The following CCDC88B variants were observed in gnomAD, a reference collection of about 807,000 sequenced individuals.
CCDC88B encodes the protein coiled-coil domain-containing protein 88B.
CCDC88B carries 138 observed loss-of-function variants against 183.7 expected under a neutral mutation model. That is an observed-to-expected ratio of 0.75 (90% CI 0.65 to 0.87). The LOEUF is 0.87. CCDC88B is among the 40% of genes least tolerant of loss of function. CCDC88B has a pLI of 0.00. For synonymous variants in CCDC88B, 835 were observed against 867.5 expected (o/e 0.96, Z 0.66); for missense variants, 1,822 against 1,965.6 (o/e 0.93, Z 1.38).
rs143810466 is a variant in CCDC88B, at chr11:64,349,407, C to T, written c.2693C>T (p.Ala898Val). The change falls in exon 15 of 27, where the codon GCG becomes GTG. Residue 898 changes from alanine to valine, a missense_variant. By Grantham distance (64) the Ala-to-Val change is moderately conservative (BLOSUM62 0). Coordinates refer to ENST00000356786, the MANE Select transcript of CCDC88B (RefSeq NM_032251.6). ...CATTTGCAGCGTGAGCTGGAGCAGG[C>T]GGCTCTCGAGCGCCAGGAATTTCTG... ...LEHLQRELEQ[A>V]ALERQEFLRE... is the part of the protein sequence containing the mutation. 333 of 1,613,132 alleles carry T rather than the reference C, an allele frequency of 2.1e-4. 1 individual carries two copies. The highest frequency in any genetic ancestry group is 3.3e-4 in the Admixed American group (20 of 59,910).
In CCDC88B at chr11:64,342,672, CA is replaced by C; in HGVS notation, c.1055del (p.Gln352ArgfsTer91). 6.7e-7 allele frequency: 1 copy of C among 1,493,478 alleles called. No homozygotes were observed. 92.5% of individuals were successfully genotyped at this position (1,493,478 alleles called of 1,614,324 possible). A position where few individuals can be genotyped will look rare whatever the true frequency, so the allele number is the denominator to read the frequency against. The part of the protein sequence containing the change: ...RLQAAEAYKS[Q>X]LEEERVLSGV... ...GCAGGCGGCTGAGGCCTACAAGAGT[CA>C]GCTGGAGGTGAGGCGGAGACGGAGC... On this transcript the variant is annotated frameshift_variant, in exon 10 of 27. Transcript: ENST00000356786. LOFTEE classifies it high-confidence loss of function.
chr11:64,346,480 G>A (rs1014208356), intron 14 of CCDC88B, among the ~76,000 whole-genome samples: 1 of 147,614 alleles, frequency 6.8e-6, no homozygotes, highest in African/African-American at 2.5e-5. Flanking sequence ...TCGCTCTTTC[G>A]CCCAGGCCAG....
At chr11:64,346,565 G>A (rs528743632) in intron 14 of CCDC88B, among the ~76,000 whole-genome samples, 42 of 148,540 alleles carry the variant, frequency 2.8e-4, no homozygotes, top group South Asian at 6.5e-4. Context: ...CTCAGCCTCC[G>A]GAGTAGCTGG....
chr11:64,345,958 T>C (rs1213960278), intron 14 of CCDC88B, among the ~76,000 whole-genome samples: 2 of 152,148 alleles, frequency 1.3e-5, no homozygotes, highest in South Asian at 2.1e-4. Context: ...TGAGCTGAGA[T>C]TGTGCCACTA....
intron 25 of CCDC88B, 73 bp downstream of exon 25, chr11:64,355,473 G>GCCCACCA (rs2036519297): frequency 6.3e-7 from 1 of 1,586,456 alleles, no homozygotes; most frequent in Non-Finnish European, 8.6e-7. Context: ...TGGGGGAGGA[G>GCCCACCA]GCTTCCTTCT....
intron 9 of CCDC88B, 21 bp from the exon 10 acceptor site, chr11:64,342,501 G>A (rs761835632): frequency 2.3e-5 from 35 of 1,528,246 alleles, no homozygotes; most frequent in Admixed American, 5.9e-5. Context: ...GCTGTTCCCA[G>A]CTCCACACCG....
rs1461410725 is a variant in CCDC88B at position 64,345,048 on chromosome 11, G to C, written c.2507G>C (p.Arg836Pro). The C allele has an allele frequency of 6.5e-7, 1 of 1,548,590 alleles. No individual in the cohort carries two copies. Among genetic ancestry groups the C allele is most frequent in the Admixed American group, 2.0e-5 (1 of 51,182 alleles). ...TGGGAGCGTGAGGGGTCCAGGCTGCGGGCCCAGTCGGAGGCCGCCGAGGAA... is the reference window on the plus strand; with the variant it reads ...TGGGAGCGTGAGGGGTCCAGGCTGCCGGCCCAGTCGGAGGCCGCCGAGGAA... The part of the protein sequence containing the change: ...RQWEREGSRL[R>P]AQSEAAEERM... Residue 836 changes from arginine to proline, a missense_variant, in exon 14 of 27, where the codon CGG becomes CCG. Transcript: ENST00000356786.
In CCDC88B at chr11:64,342,322, TC is replaced by T; in HGVS notation, c.853del (p.Gln285ArgfsTer11). The T allele has an allele frequency of 6.3e-7, 1 of 1,594,372 alleles. No individual in the cohort carries two copies. Among genetic ancestry groups the T allele is most frequent in the South Asian group, 1.1e-5 (1 of 87,924 alleles). ...GGAGAAGGCCGAGCTGCTGCTAGAC[TC>T]CCAGGCCGAGGTGCAGGGTTTGGAG... ...LEEKAELLLD[S>X]QAEVQGLEAE... On this transcript the variant is annotated frameshift_variant, in exon 9 of 27. Coordinates refer to ENST00000356786, the MANE Select transcript of CCDC88B (RefSeq NM_032251.6). LOFTEE classifies it high-confidence loss of function.
Position 64,343,996 on chromosome 11 carries a change from G to A in CCDC88B, c.1456-1G>A. 1 of 1,554,072 alleles carries A rather than the reference G, an allele frequency of 6.4e-7. No individual in the cohort carries two copies. The highest frequency in any genetic ancestry group is 8.7e-7 in the Non-Finnish European group (1 of 1,147,954). ...TGACTGTCCCTCTCGTATGCCCTCA[G>A]CACCCCCTGCTGGAGGCACCGAGAG... On this transcript the variant is annotated splice_acceptor_variant, in intron 13 of 26. Transcript: ENST00000356786. LOFTEE classifies it high-confidence loss of function.
intron 1 of CCDC88B, 66 bp downstream of exon 1, chr11:64,340,392 G>A (rs1377613569): frequency 1.1e-5 from 14 of 1,276,758 alleles, no homozygotes; most frequent in Non-Finnish European, 5.1e-6. Context: ...TGGTGTTGGC[G>A]CTGGCCGGGG....
intron 1 of CCDC88B, 130 bp downstream of exon 1, chr11:64,340,456 T>C: frequency 8.9e-7 from 1 of 1,128,528 alleles, no homozygotes; most frequent in Non-Finnish European, 1.2e-6. Context: ...ATGTGGGGGA[T>C]GGAGATATGG....
At chr11:64,345,717 C>T (rs749185443) in intron 14 of CCDC88B, among the ~76,000 whole-genome samples, 34 of 152,124 alleles carry the variant, frequency 2.2e-4, no homozygotes, top group Non-Finnish European at 4.0e-4. Flanking sequence ...GCATTAAAGA[C>T]GCTCAGGGGC....
chr11:64,345,191 G>A, intron 14 of CCDC88B, 34 bp downstream of exon 14: 1 of 1,531,170 alleles, frequency 6.5e-7, no homozygotes. Flanking sequence ...CTGGGGTTGG[G>A]AAGCAGAGTT....
intron 16 of CCDC88B, chr11:64,349,910 T>C (rs1482173513): frequency 1.8e-6 from 1 of 564,442 alleles, no homozygotes; most frequent in Non-Finnish European, 3.2e-6. Flanking sequence ...TGTGGATGAC[T>C]GCTCCGCCTG....
At position 64,344,133 on chromosome 11, in the gene CCDC88B, A is replaced by G; in HGVS notation, c.1592A>G (p.Asp531Gly). The change falls in exon 14 of 27, where the codon GAC becomes GGC. Residue 531 changes from aspartate (D) to glycine (G), a missense_variant. By Grantham distance (94) the Asp-to-Gly change is moderately conservative (BLOSUM62 -1). Transcript: ENST00000356786. This position sits in a 1 kb window ranked among gnomAD's most constrained non-coding sequence, Gnocchi z 4.5. ...KARDGGPQALDLAPPALDSVL... is the reference protein window; with the variant it reads ...KARDGGPQALGLAPPALDSVL... ...AGGGATGGAGGCCCCCAGGCCTTGG[A>G]CTTGGCTCCCCCGGCATTAGACTCA... The G allele has an allele frequency of 1.2e-6, 2 of 1,613,010 alleles. No individual in the cohort carries two copies. The highest frequency in any genetic ancestry group is 1.7e-6 in the Non-Finnish European group (2 of 1,179,782).
intron 11 of CCDC88B, 49 bp from the exon 12 acceptor site, chr11:64,343,458 G>A (rs905849291): frequency 4.9e-5 from 75 of 1,543,948 alleles, no homozygotes; most frequent in Non-Finnish European, 6.6e-5. Context: ...CTACACACTC[G>A]GCCTGGCCAT....
chr11:64,342,108 A>G lies in CCDC88B; in HGVS notation c.790A>G (p.Lys264Glu). 1 of 1,610,704 alleles carries G rather than the reference A, an allele frequency of 6.2e-7. No homozygotes were observed. The highest frequency in any genetic ancestry group is 1.1e-5 in the South Asian group (1 of 90,772). ...TCTGGCCCTGCAGCTGGCCAACGCC[A>G]AGGCTCAGCTGCGGCGTCTGCGGCA... ...HHLALQLANA[K>E]AQLRRLRQEL... Residue 264 changes from lysine to glutamate, a missense_variant, in exon 8 of 27, where the codon AAG becomes GAG. By Grantham distance (56) the Lys-to-Glu change is moderately conservative. Coordinates refer to ENST00000356786, the MANE Select transcript of CCDC88B (RefSeq NM_032251.6).
Position 64,355,607 on chromosome 11 carries a change from G to A in CCDC88B, c.4354G>A (p.Glu1452Lys), listed in dbSNP as rs752291655. The change falls in exon 26 of 27, where the codon GAA becomes AAA. Residue 1452 changes from glutamate (E) to lysine (K), a missense_variant. Physicochemically the swap from Glu to Lys is moderately conservative, Grantham distance 56. Coordinates refer to ENST00000356786, the MANE Select transcript of CCDC88B (RefSeq NM_032251.6). ...ENSAETLQEH[E>K]TDANREGPEV... ...CTCCGCTGAGACCCTGCAGGAACAC[G>A]AAACAGATGCCAACCGAGAGGGTGA... The A allele has an allele frequency of 7.4e-6, 12 of 1,611,954 alleles. No individual in the cohort carries two copies. The highest frequency in any genetic ancestry group is 1.3e-5 in the African/African-American group (1 of 74,824).
Position 64,342,526 on chromosome 11 carries a change from AG to A in CCDC88B, c.910del (p.Ala304ArgfsTer33). The A allele has an allele frequency of 6.5e-7, 1 of 1,528,452 alleles. No individual in the cohort carries two copies. Among genetic ancestry groups the A allele is most frequent in the Non-Finnish European group, 8.8e-7 (1 of 1,142,608 alleles). 94.7% of individuals were successfully genotyped at this position (1,528,452 alleles called of 1,614,324 possible). ...GCTCCACACCGTCTGGCCCAGGCCC[AG>A]GCGCTGTCGGGACAGGCCAAGCGGG... The part of the protein sequence containing the change: ...AEIRRLRQEA[Q>X]ALSGQAKRAE... On this transcript the variant is annotated frameshift_variant, in exon 10 of 27. Transcript: ENST00000356786. LOFTEE classifies it high-confidence loss of function.
Sources: allele counts gnomAD v4.1 joint callset (sites outside exome capture counted in the v4.1 genomes callset), GRCh38; gene constraint gnomAD v4.1.1; non-coding constraint Gnocchi (gnomAD v3.1); transcripts MANE v1.5; gene names NCBI Gene and HGNC (gene_info 2026-07-23, HGNC 2026-07-21).